The following ALK variants were observed in gnomAD, a reference collection of about 807,000 sequenced individuals.
ALK encodes the protein ALK receptor tyrosine kinase.
A neutral mutation model predicts 163.1 loss-of-function variants in ALK; 74 were observed. The observed-to-expected ratio is 0.45, with a 90% CI of 0.38 to 0.55. The LOEUF (loss-of-function observed/expected upper bound fraction) is 0.55. ALK is among the 20% of genes least tolerant of loss of function. ALK has a pLI of 0.00. For missense variants in ALK, 2,063 were observed against 2,105.3 expected, an observed-to-expected ratio of 0.98 and a Z score of 0.39; for synonymous variants, 960 against 843.2, an observed-to-expected ratio of 1.14 and a Z score of -2.40.
chr2:29,749,161 T>C (rs539813997), intron 1 of ALK, among the ~76,000 whole-genome samples: 4 of 152,306 alleles, frequency 2.6e-5, no homozygotes, highest in Admixed American at 2.0e-4. Context: ...GGAGGGCTTA[T>C]TAAAGCTCAA....
At chr2:29,311,499 A>G (rs1666693404) in intron 8 of ALK, among the ~76,000 whole-genome samples, 1 of 152,244 alleles carries the variant, frequency 6.6e-6, no homozygotes, top group African/African-American at 2.4e-5. Context: ...GTCCAAACAA[A>G]TAGGTATGTT....
intron 11 of ALK, among the ~76,000 whole-genome samples, chr2:29,258,560 C>A (rs1665007583): frequency 6.6e-6 from 1 of 152,166 alleles, no homozygotes; most frequent in Non-Finnish European, 1.5e-5. Flanking sequence ...TTTCAAGATA[C>A]TGAATTGGTT....
At chr2:29,330,068 G>T (rs7604069) in intron 5 of ALK, among the ~76,000 whole-genome samples, 26,137 of 152,110 alleles carry the variant, frequency 0.17, 2,744 homozygotes, top group Middle Eastern at 0.25. Flanking sequence ...GACAGCACAC[G>T]GCCACCCAGC....
At chr2:29,411,468 A>G (rs1330827961) in intron 4 of ALK, among the ~76,000 whole-genome samples, 1 of 152,026 alleles carries the variant, frequency 6.6e-6, no homozygotes, top group Admixed American at 6.6e-5. Context: ...CCATGTTTTC[A>G]AACCTTTTTC....
chr2:29,918,032 T>C (rs1667882108), intron 1 of ALK, among the ~76,000 whole-genome samples: 1 of 152,182 alleles, frequency 6.6e-6, no homozygotes, highest in Non-Finnish European at 1.5e-5. Flanking sequence ...AGCACAGCCT[T>C]TCTACATAAA....
chr2:29,506,548 C>G (rs1672329763), intron 4 of ALK, among the ~76,000 whole-genome samples: 2 of 152,044 alleles, frequency 1.3e-5, no homozygotes, highest in African/African-American at 4.8e-5. Flanking sequence ...AGATTGAGAC[C>G]ATCCTGGCCA....
intron 3 of ALK, among the ~76,000 whole-genome samples, chr2:29,564,653 G>T (rs1674127559): frequency 6.6e-6 from 1 of 152,148 alleles, no homozygotes; most frequent in African/African-American, 2.4e-5. Flanking sequence ...ACTCATATTT[G>T]CAGAGTCTTG....
rs148256763 is a variant in ALK, at chr2:29,565,828, G to A, written c.953-33712C>T. ...TCCTAAAAGGATTTTATTACCTCTC[G>A]CATAGGAGTTTGATATTGGCGAGAT... On this transcript the variant is annotated intron_variant, in intron 3 of 28. Coordinates refer to ENST00000389048, the MANE Select transcript of ALK (RefSeq NM_004304.5). 7.2e-5 allele frequency among the ~76,000 whole-genome samples: 11 copies of A among 152,254 alleles called. No individual in the cohort carries two copies. In the East Asian group the frequency reaches 1.7e-3, roughly 24 times the overall value.
In ALK at chr2:29,920,549, C is replaced by A. The variant is rs1292866467; in HGVS notation, c.111G>T (p.Pro37=). 6.2e-7 allele frequency: 1 copy of A among 1,604,518 alleles called. No homozygotes were observed. The highest frequency in any genetic ancestry group is 1.1e-5 in the South Asian group (1 of 90,506). Residue 37 remains proline, a synonymous_variant, in exon 1 of 29, where the codon CCG becomes CCT. Transcript: ENST00000389048. The part of the protein sequence containing the change: ...QRAGSPAAGP[P]LQPREPLSYS... ...AGCTGAGTGGCTCCCGGGGCTGCAGCGGCGGCCCCGCAGCTGGGGAGCCCG... is the reference window on the plus strand; with the variant it reads ...AGCTGAGTGGCTCCCGGGGCTGCAGAGGCGGCCCCGCAGCTGGGGAGCCCG...
At chr2:29,631,046 G>A (rs897816435) in intron 3 of ALK, among the ~76,000 whole-genome samples, 1 of 151,828 alleles carries the variant, frequency 6.6e-6, no homozygotes, top group Non-Finnish European at 1.5e-5. Context: ...AATGACCACG[G>A]TGAGACTGTA....
At chr2:29,751,137 T>G (rs917506625) in intron 1 of ALK, among the ~76,000 whole-genome samples, 1 of 151,982 alleles carries the variant, frequency 6.6e-6, no homozygotes, top group Admixed American at 6.6e-5. Context: ...TTAAAGATAA[T>G]AAATGGTACA....
chr2:29,775,699 A>T (rs142614345), intron 1 of ALK, among the ~76,000 whole-genome samples: 1 of 152,340 alleles, frequency 6.6e-6, no homozygotes, highest in Non-Finnish European at 1.5e-5. Flanking sequence ...TGACCTTGGG[A>T]AAGTTACTTA....
intron 3 of ALK, among the ~76,000 whole-genome samples, chr2:29,591,450 G>A (rs1036781095): frequency 6.6e-5 from 10 of 152,186 alleles, no homozygotes; most frequent in Non-Finnish European, 1.5e-4. Context: ...AGGGCTGGAC[G>A]TAGGCAAGTG....
chr2:29,766,794 C>T (rs1017707550), intron 1 of ALK, among the ~76,000 whole-genome samples: 12 of 152,178 alleles, frequency 7.9e-5, no homozygotes, highest in African/African-American at 2.4e-4. Context: ...GATTTACTTT[C>T]TGACAGAAAG....
intron 4 of ALK, among the ~76,000 whole-genome samples, chr2:29,494,842 T>TTG (rs1461019463): frequency 4.0e-4 from 32 of 80,940 alleles, no homozygotes; most frequent in African/African-American, 1.6e-3. Context: ...CTTTAGAGAC[T>TTG]CGTGTGTGTG....
intron 1 of ALK, among the ~76,000 whole-genome samples, chr2:29,770,178 A>G (rs1318614500): frequency 6.6e-6 from 1 of 152,206 alleles, no homozygotes; most frequent in African/African-American, 2.4e-5. Flanking sequence ...TACCAAGTGT[A>G]GGAAGGAGTG....
At position 29,622,193 on chromosome 2, in the gene ALK, T is replaced by C. The variant is rs1367628267; in HGVS notation, c.952+72657A>G. On this transcript the variant is annotated intron_variant, in intron 3 of 28. Transcript: ENST00000389048. Reference sequence around the variant, plus strand: ...CTTGCAGGGTTCTTCTGAGGCTGCTTTTATTATTAAAACTTACCAATCAAC... The same window carrying C: ...CTTGCAGGGTTCTTCTGAGGCTGCTCTTATTATTAAAACTTACCAATCAAC... Among the ~76,000 whole-genome samples the C allele has an allele frequency of 3.3e-5, 5 of 152,162 alleles. No individual in the cohort carries two copies. In the South Asian group the frequency reaches 8.3e-4, roughly 25 times the overall value.
intron 1 of ALK, among the ~76,000 whole-genome samples, chr2:29,852,390 C>T (rs1333552162): frequency 6.6e-6 from 1 of 152,122 alleles, no homozygotes; most frequent in Non-Finnish European, 1.5e-5. Flanking sequence ...ACTAGCAGCC[C>T]CACTCACCAT....
At chr2:29,245,685 G>A (rs1409117422) in intron 12 of ALK, among the ~76,000 whole-genome samples, 2 of 147,646 alleles carry the variant, frequency 1.4e-5, no homozygotes, top group Non-Finnish European at 3.0e-5. Flanking sequence ...CACACAGTAG[G>A]GGCTTTATGG....
Sources: allele counts gnomAD v4.1 joint callset (sites outside exome capture counted in the v4.1 genomes callset), GRCh38; gene constraint gnomAD v4.1.1; transcripts MANE v1.5; gene names NCBI Gene and HGNC (gene_info 2026-07-23, HGNC 2026-07-21).